Variants in FBXO21 observed in about 807,000 individuals in gnomAD.
FBXO21 encodes the protein F-box protein 21.
FBXO21 carries 32 observed loss-of-function variants against 76.6 expected under a neutral mutation model. The observed-to-expected ratio is 0.42, with a 90% CI of 0.32 to 0.56. The LOEUF is 0.56. Among genes scored for constraint, FBXO21 ranks in the 20% least tolerant of loss-of-function variants. The probability of loss-of-function intolerance (pLI) is 0.16; values close to 1 mark genes in which losing one functional copy is unlikely to be tolerated. For missense variants in FBXO21, 586 were observed against 797.3 expected (o/e 0.73, Z 3.19); for synonymous variants, 328 against 311.5 (o/e 1.05, Z -0.56).
chr12:117,186,614 T>C (rs781216456), intron 2 of FBXO21, 43 bp from the exon 3 acceptor site: 3 of 1,229,384 alleles, frequency 2.4e-6, no homozygotes, highest in Non-Finnish European at 3.6e-6. Flanking sequence ...TTATGAGTAT[T>C]GATGCAACTC....
chr12:117,153,199 G>A (rs1955864936), intron 11 of FBXO21, among the ~76,000 whole-genome samples: 1 of 151,984 alleles, frequency 6.6e-6, no homozygotes, highest in African/African-American at 2.4e-5. Flanking sequence ...AAGTAGGCAA[G>A]CAGAGACCAC....
At chr12:117,146,383 TGGA>T (rs1955770940) in intron 11 of FBXO21, 106 bp from the exon 12 acceptor site, 1 of 900,870 alleles carries the variant, frequency 1.1e-6, no homozygotes. Flanking sequence ...ATTTTTGGGG[TGGA>T]GAAGGGAAGA....
chr12:117,153,757 G>A (rs1368081213), intron 11 of FBXO21, among the ~76,000 whole-genome samples: 1 of 152,252 alleles, frequency 6.6e-6, no homozygotes, highest in Non-Finnish European at 1.5e-5. Flanking sequence ...TGTAGGAACA[G>A]CTTTGAAGTT....
Position 117,162,982 on chromosome 12 carries a change from C to T in FBXO21, c.1326+2503G>A, listed in dbSNP as rs141220584. ...GGAACCTTGTCCGATTTCTTCAGCACCCCCTGGCTTCTTCCGCACTGGGAG... is the reference window on the plus strand; with the variant it reads ...GGAACCTTGTCCGATTTCTTCAGCATCCCCTGGCTTCTTCCGCACTGGGAG... On this transcript the variant is annotated intron_variant, in intron 9 of 11. Coordinates refer to ENST00000622495, the MANE Select transcript of FBXO21 (RefSeq NM_015002.3). Among the ~76,000 whole-genome samples, 124 of 152,320 alleles carry T rather than the reference C, an allele frequency of 8.1e-4. 4 individuals are homozygous for T. The East Asian group carries it at 0.019, about 23-fold the overall frequency.
rs1205894904 is a variant in FBXO21 at position 117,172,465 on chromosome 12, G to A, written c.1013+6C>T. On this transcript the variant is annotated splice_donor_region_variant and intron_variant, in intron 7 of 11. Coordinates refer to ENST00000622495, the MANE Select transcript of FBXO21 (RefSeq NM_015002.3). Reference sequence around the variant, plus strand: ...GGACCACAGATAATGTGTCACGGATGCTCACCCTTCTGCGCCTTGGCACCA... The same window carrying A: ...GGACCACAGATAATGTGTCACGGATACTCACCCTTCTGCGCCTTGGCACCA... 2 of 1,611,192 alleles carry A rather than the reference G, an allele frequency of 1.2e-6. No individual in the cohort carries two copies. Among genetic ancestry groups the A allele is most frequent in the Admixed American group, 3.3e-5 (2 of 59,928 alleles).
intron 7 of FBXO21, 121 bp from the exon 8 acceptor site, chr12:117,167,198 A>T: frequency 1.3e-6 from 1 of 753,878 alleles, no homozygotes; most frequent in Non-Finnish European, 2.2e-6. Flanking sequence ...TACAATATGA[A>T]GGTCTTGTCC....
In FBXO21 at chr12:117,189,249, G is replaced by C; in HGVS notation, c.353C>G (p.Ser118Ter). ...TACGTGCTCTGAAAAGAACCTCTTT[G>C]AGAACGAGGCTACAATCTTCCGCGC... Reference protein sequence around the residue: ...LEARKIVASFSKRFFSEHVPC... With the variant: ...LEARKIVASF The change falls in exon 2 of 12, where the codon TCA becomes TGA. Residue 118 changes from serine to a stop codon, truncating the protein, a stop_gained. Coordinates refer to ENST00000622495, the MANE Select transcript of FBXO21 (RefSeq NM_015002.3). LOFTEE classifies it high-confidence loss of function. The C allele has an allele frequency of 6.2e-7, 1 of 1,614,172 alleles. No individual in the cohort carries two copies. The highest frequency in any genetic ancestry group is 8.5e-7 in the Non-Finnish European group (1 of 1,180,034).
intron 9 of FBXO21, among the ~76,000 whole-genome samples, chr12:117,163,062 A>G (rs1956002761): frequency 6.6e-6 from 1 of 152,140 alleles, no homozygotes; most frequent in Non-Finnish European, 1.5e-5. Flanking sequence ...TGCATTTATT[A>G]AGGGTAGGCA....
At position 117,147,503 on chromosome 12, in the gene FBXO21, G is replaced by A. The variant is rs1415143969; in HGVS notation, c.1676-1226C>T. Among the ~76,000 whole-genome samples, 7 of 144,890 alleles carry A rather than the reference G, an allele frequency of 4.8e-5. No homozygotes were observed. In the East Asian group the frequency reaches 1.2e-3, roughly 26 times the overall value. On this transcript the variant is annotated intron_variant, in intron 11 of 11. Coordinates refer to ENST00000622495, the MANE Select transcript of FBXO21 (RefSeq NM_015002.3). ...AATCCCAGTTACTTGGGAGGCTGAG[G>A]CAGAGAACTGCTTGAACCTGGGAGG... is the stretch of plus-strand genomic sequence containing the variant.
At chr12:117,153,059 A>G (rs1218176316) in intron 11 of FBXO21, among the ~76,000 whole-genome samples, 1 of 152,078 alleles carries the variant, frequency 6.6e-6, no homozygotes, top group Non-Finnish European at 1.5e-5. Flanking sequence ...CCTGCCGATG[A>G]GAAACTCCTG....
Position 117,174,329 on chromosome 12 carries a change from A to T in FBXO21, c.752T>A (p.Met251Lys). 6.2e-7 allele frequency: 1 copy of T among 1,613,260 alleles called. No homozygotes were observed. Among genetic ancestry groups the T allele is most frequent in the Non-Finnish European group, 8.5e-7 (1 of 1,179,708 alleles). ...SLAFKAGESS[M>K]IMEIELQSQV... ...GCTCTGGAGTTCTATTTCCATTATCATGGATGATTCACCTGAAACACAGAG... is the reference window on the plus strand; with the variant it reads ...GCTCTGGAGTTCTATTTCCATTATCTTGGATGATTCACCTGAAACACAGAG... Residue 251 changes from methionine (M) to lysine (K), a missense_variant, in exon 6 of 12, where the codon ATG (methionine) becomes AAG (lysine). Physicochemically the swap from Met to Lys is moderately conservative, Grantham distance 95. Around this residue, in one of 6 missense-constraint regions of FBXO21, gnomAD observed 246 missense variants for 356.8 expected, o/e 0.69. Coordinates refer to ENST00000622495, the MANE Select transcript of FBXO21 (RefSeq NM_015002.3).
In FBXO21 at chr12:117,181,961, C is replaced by T. The variant is rs565703021; in HGVS notation, c.471-4320G>A. Among the ~76,000 whole-genome samples the T allele has an allele frequency of 1.9e-3, 288 of 152,134 alleles. 2 individuals carry two copies. Among genetic ancestry groups the T allele is most frequent in the Middle Eastern group, 6.8e-3 (2 of 294 alleles). ...CCACTGTGCCTGGCCCAGTGTATGC[C>T]CTTTTAATATGCTGTTTCTAATCTT... On this transcript the variant is annotated intron_variant, in intron 3 of 11. Transcript: ENST00000622495.
intron 4 of FBXO21, 102 bp from the exon 5 acceptor site, chr12:117,174,899 T>C: frequency 3.3e-6 from 4 of 1,196,052 alleles, no homozygotes; most frequent in South Asian, 3.1e-5. Flanking sequence ...CTTTACACCA[T>C]CCCACTGGAC....
At chr12:117,187,713 T>C (rs564821792) in intron 2 of FBXO21, among the ~76,000 whole-genome samples, 1 of 152,340 alleles carries the variant, frequency 6.6e-6, no homozygotes, top group South Asian at 2.1e-4. Context: ...AGGCACAGAC[T>C]GTTCAAAACA....
In FBXO21 at chr12:117,174,761, G is replaced by A; in HGVS notation, c.629C>T (p.Ser210Phe). ...CTGGATGTCTTTGAGGCTGATGTCG[G>A]AGAGAGGATTGCAGTACTGGTCAAT... ...VYIDQYCNPL[S>F]DISLKDIQAQ... The change falls in exon 5 of 12, where the codon TCC becomes TTC. Residue 210 changes from serine (S) to phenylalanine (F), a missense_variant. Around this residue, in one of 6 missense-constraint regions of FBXO21, gnomAD observed 246 missense variants for 356.8 expected, o/e 0.69. Coordinates refer to ENST00000622495, the MANE Select transcript of FBXO21 (RefSeq NM_015002.3). The A allele has an allele frequency of 6.2e-7, 1 of 1,614,158 alleles. No individual in the cohort carries two copies. Among genetic ancestry groups the A allele is most frequent in the East Asian group, 2.2e-5 (1 of 44,882 alleles).
At chr12:117,163,298 C>T (rs966038814) in intron 9 of FBXO21, among the ~76,000 whole-genome samples, 22 of 152,102 alleles carry the variant, frequency 1.4e-4, no homozygotes, top group African/African-American at 4.8e-4. Flanking sequence ...TTTGGGAGGC[C>T]GAGGCAGGTG....
At chr12:117,152,699 G>T (rs1193526920) in intron 11 of FBXO21, among the ~76,000 whole-genome samples, 1 of 152,136 alleles carries the variant, frequency 6.6e-6, no homozygotes, top group Non-Finnish European at 1.5e-5. Flanking sequence ...AAAACTATTA[G>T]ATATTATAAA....
At chr12:117,187,029 T>G (rs1240403188) in intron 2 of FBXO21, among the ~76,000 whole-genome samples, 2 of 151,690 alleles carry the variant, frequency 1.3e-5, no homozygotes, top group African/African-American at 4.9e-5. Flanking sequence ...GGCAGGAGAA[T>G]CACTTGAACC....
intron 4 of FBXO21, 150 bp from the exon 5 acceptor site, chr12:117,174,947 C>G: frequency 3.4e-6 from 2 of 587,248 alleles, no homozygotes; most frequent in Non-Finnish European, 5.7e-6. Context: ...GCTGCTAACA[C>G]ACTGAGAAGG....
Sources: allele counts gnomAD v4.1 joint callset (sites outside exome capture counted in the v4.1 genomes callset), GRCh38; gene constraint gnomAD v4.1.1; regional missense constraint gnomAD v4.1.1; transcripts MANE v1.5; gene names NCBI Gene and HGNC (gene_info 2026-07-23, HGNC 2026-07-21).